Variants in WWP2 observed in about 807,000 individuals in gnomAD.
WWP2 encodes NEDD4-like E3 ubiquitin-protein ligase WWP2.
Under a neutral mutation model 121.0 loss-of-function variants are expected in WWP2, and 57 were observed. The ratio of observed to expected loss-of-function variants is 0.47; its 90% CI spans 0.38 to 0.59. The LOEUF (loss-of-function observed/expected upper bound fraction) is 0.59, where lower values mean the gene tolerates loss of function less well. Ranked by LOEUF, WWP2 falls within the 20% of genes least tolerant of loss-of-function variation. The pLI, the probability that WWP2 is intolerant of heterozygous loss-of-function variation, is 0.00. For missense variants in WWP2, 962 were observed against 1,158.9 expected (o/e 0.83, Z 2.47); for synonymous variants, 449 against 441.3 (o/e 1.02, Z -0.22).
intron 1 of WWP2, among the ~76,000 whole-genome samples, chr16:69,768,098 A>G (rs6499252): frequency 0.064 from 9,689 of 152,034 alleles, 1,005 homozygotes; most frequent in African/African-American, 0.21. Flanking sequence ...CAGCCTCCCA[A>G]AGTGTTTGGG....
At chr16:69,844,137 C>T (rs2057026996) in intron 6 of WWP2, among the ~76,000 whole-genome samples, 1 of 152,012 alleles carries the variant, frequency 6.6e-6, no homozygotes, top group South Asian at 2.1e-4. Context: ...CTCCAAGTCA[C>T]TGTAAAGGCG....
chr16:69,825,160 C>T lies in WWP2; in HGVS notation c.341-14966C>T, dbSNP rs1277094682. Among the ~76,000 whole-genome samples, 4 of 93,038 alleles carry T rather than the reference C, an allele frequency of 4.3e-5. No individual in the cohort carries two copies. In the East Asian group the frequency reaches 1.4e-3, roughly 32 times the overall value. 61.0% of individuals were successfully genotyped at this position (93,038 alleles called of 152,430 possible). On this transcript the variant is annotated intron_variant, in intron 4 of 23. Coordinates refer to ENST00000359154, the MANE Select transcript of WWP2 (RefSeq NM_001270454.2). Reference sequence around the variant, plus strand: ...GCGATACTGGCTGGGTGCAGTGGCTCACACCTGTAATCCCAGCACTTTGGG... The same window carrying T: ...GCGATACTGGCTGGGTGCAGTGGCTTACACCTGTAATCCCAGCACTTTGGG...
At chr16:69,865,511 A>AG (rs926842910) in intron 6 of WWP2, among the ~76,000 whole-genome samples, 13 of 152,196 alleles carry the variant, frequency 8.5e-5, no homozygotes, top group East Asian at 3.8e-4. Flanking sequence ...TCATTTCTAA[A>AG]GGGGGGGTAC....
At chr16:69,905,053 C>T (rs555504558) in intron 8 of WWP2, among the ~76,000 whole-genome samples, 16 of 152,292 alleles carry the variant, frequency 1.1e-4, no homozygotes, top group East Asian at 3.9e-4. Context: ...GATCAGACCA[C>T]GCCCAAATAA....
At chr16:69,903,594 C>G (rs1264703206) in intron 8 of WWP2, among the ~76,000 whole-genome samples, 2 of 151,922 alleles carry the variant, frequency 1.3e-5, no homozygotes, top group East Asian at 3.9e-4. Context: ...TGGTGAAACC[C>G]CATCTCTACT....
intron 6 of WWP2, among the ~76,000 whole-genome samples, chr16:69,853,058 G>T (rs906912897): frequency 8.5e-5 from 13 of 152,172 alleles, no homozygotes; most frequent in African/African-American, 3.1e-4. Context: ...ATTCTTTGGA[G>T]ACAGGGAACC....
At chr16:69,782,913 C>T (rs2151787771) in intron 1 of WWP2, 1 of 152,156 alleles carries the variant, frequency 6.6e-6, no homozygotes. Context: ...TCACATGATC[C>T]TCTTGCCGCA....
chr16:69,784,378 G>T (rs542790338), intron 1 of WWP2, among the ~76,000 whole-genome samples: 2 of 152,232 alleles, frequency 1.3e-5, no homozygotes, highest in Admixed American at 1.3e-4. Flanking sequence ...GGGAATACAG[G>T]CGTGAGCCAC....
At chr16:69,871,772 ATGTC>A in intron 6 of WWP2, 28 bp from the exon 7 acceptor site, 1 of 1,613,204 alleles carries the variant, frequency 6.2e-7, no homozygotes. Flanking sequence ...ACAGTGACTT[ATGTC>A]TGTCTGCTTT....
intron 12 of WWP2, 58 bp downstream of exon 12, chr16:69,929,587 C>G: frequency 6.6e-7 from 1 of 1,503,792 alleles, no homozygotes; most frequent in Non-Finnish European, 9.2e-7. Context: ...GCAGCTCCAG[C>G]ACTGGGCAGG....
In WWP2 at chr16:69,777,161, C is replaced by T. The variant is rs945811808; in HGVS notation, c.-15-9835C>T. Among the ~76,000 whole-genome samples, 38 of 150,400 alleles carry T rather than the reference C, an allele frequency of 2.5e-4. 1 individual carries two copies. The highest frequency in any genetic ancestry group is 9.0e-4 in the African/African-American group (37 of 41,018). On this transcript the variant is annotated intron_variant, in intron 1 of 23. Coordinates refer to ENST00000359154, the MANE Select transcript of WWP2 (RefSeq NM_001270454.2). ...TATACACATATGTGTATATACAATA[C>T]ACATATGGATATACACATATGTGTA...
At chr16:69,798,977 AC>A (rs1745963866) in intron 3 of WWP2, 148 bp downstream of exon 3, 1 of 1,357,902 alleles carries the variant, frequency 7.4e-7, no homozygotes, top group South Asian at 1.4e-5. Context: ...AGGTGTTCCT[AC>A]ACCATTGAGC....
intron 4 of WWP2, among the ~76,000 whole-genome samples, chr16:69,827,666 T>A (rs543965562): frequency 6.6e-6 from 1 of 152,232 alleles, no homozygotes; most frequent in Non-Finnish European, 1.5e-5. Context: ...ATGGCTTTGA[T>A]ACCAGGCAAC....
At chr16:69,770,970 TAA>T (rs397942280) in intron 1 of WWP2, among the ~76,000 whole-genome samples, 12 of 135,266 alleles carry the variant, frequency 8.9e-5, no homozygotes, top group African/African-American at 8.2e-5. Flanking sequence ...CTGTCTCTAT[TAA>T]AAAAAAAAAA....
At chr16:69,875,021 C>CA (rs11449005) in intron 7 of WWP2, among the ~76,000 whole-genome samples, 90,935 of 147,646 alleles carry the variant, frequency 0.62, 28,080 homozygotes, top group East Asian at 0.9. Context: ...GACCTTGTGT[C>CA]AAAAAAAAAA....
Position 69,789,815 on chromosome 16 carries a change from G to A in WWP2, c.70+2735G>A, listed in dbSNP as rs929801125. ...TTTTATTTCCCACTTCTTTACTTAC[G>A]CATTTGATCCTTGAACAGCATGAGG... On this transcript the variant is annotated intron_variant, in intron 2 of 23. Coordinates refer to ENST00000359154, the MANE Select transcript of WWP2 (RefSeq NM_001270454.2). Among the ~76,000 whole-genome samples, 9 of 152,014 alleles carry A rather than the reference G, an allele frequency of 5.9e-5. 1 individual carries two copies. Among genetic ancestry groups the A allele is most frequent in the Admixed American group, 3.3e-4 (5 of 15,256 alleles).
intron 2 of WWP2, among the ~76,000 whole-genome samples, chr16:69,791,032 C>T (rs1422062943): frequency 6.6e-6 from 1 of 152,018 alleles, no homozygotes. Context: ...CTTGCTTCTG[C>T]CCTTTTGAGT....
At chr16:69,930,025 C>A in intron 12 of WWP2, 105 bp from the exon 13 acceptor site, 1 of 1,541,214 alleles carries the variant, frequency 6.5e-7, no homozygotes. Context: ...CAAAGTCCCT[C>A]ATGGGCTCTG....
intron 1 of WWP2, among the ~76,000 whole-genome samples, chr16:69,773,175 C>T (rs552441202): frequency 9.2e-5 from 14 of 151,824 alleles, no homozygotes; most frequent in Non-Finnish European, 1.9e-4. Context: ...CCTACCGATA[C>T]ACGTTGCTCC....
Sources: allele counts gnomAD v4.1 joint callset (sites outside exome capture counted in the v4.1 genomes callset), GRCh38; gene constraint gnomAD v4.1.1; transcripts MANE v1.5; gene names NCBI Gene and HGNC (gene_info 2026-07-23, HGNC 2026-07-21).